Variants in ANXA8 observed in about 807,000 individuals in gnomAD.
ANXA8 encodes the protein VAC-beta.
ANXA8 carries 9 observed loss-of-function variants against 26.8 expected under a neutral mutation model. The observed-to-expected ratio is 0.34, with a 90% CI of 0.20 to 0.59. The LOEUF is 0.59. Among genes scored for constraint, ANXA8 ranks in the 20% least tolerant of loss-of-function variants. ANXA8 has a pLI of 0.84. For synonymous variants in ANXA8, 39 were observed against 94.8 expected (o/e 0.41, Z 3.42); for missense variants, 83 against 238.5 (o/e 0.35, Z 4.29).
upstream of ANXA8, among the ~76,000 whole-genome samples, chr10:47,487,843 G>A (rs1244846347): frequency 2.2e-3 from 330 of 148,354 alleles, 8 homozygotes; most frequent in African/African-American, 7.4e-3. Context: ...CCTTTATGGC[G>A]CTGATTTTTT....
the ANXA8 span, chr10:47,691,324 T>C: frequency 3.6e-6 from 3 of 844,616 alleles, no homozygotes; most frequent in Middle Eastern, 3.7e-4. Flanking sequence ...ACTCTTTCTT[T>C]AGTCATTTGC....
the ANXA8 span, among the ~76,000 whole-genome samples, chr10:47,958,021 T>C: frequency 6.6e-6 from 1 of 150,556 alleles, no homozygotes; most frequent in Non-Finnish European, 1.5e-5. Context: ...AATAAGGTTA[T>C]AGTCACAGGA....
upstream of ANXA8, among the ~76,000 whole-genome samples, chr10:47,485,249 A>G (rs1840013455): frequency 6.6e-6 from 1 of 152,066 alleles, no homozygotes; most frequent in Non-Finnish European, 1.5e-5. Context: ...AATATGCTAC[A>G]ATAGATCTGT....
chr10:47,685,203 G>A, the ANXA8 span, among the ~76,000 whole-genome samples: 1 of 150,928 alleles, frequency 6.6e-6, no homozygotes, highest in Non-Finnish European at 1.5e-5. Flanking sequence ...AAAATTAGCT[G>A]GGCATGGTGG....
chr10:47,991,745 C>A, the ANXA8 span: 5 of 1,610,156 alleles, frequency 3.1e-6, no homozygotes, highest in Admixed American at 8.3e-5. Context: ...TGAAGAGACA[C>A]AGGTTGGCCT....
chr10:47,682,474 T>TTTTC, the ANXA8 span, among the ~76,000 whole-genome samples: 1 of 144,740 alleles, frequency 6.9e-6, no homozygotes, highest in Non-Finnish European at 1.5e-5. Context: ...TTTTTCTTTT[T>TTTTC]TTTTTTTTTT....
At chr10:47,591,510 C>T in the ANXA8 span, among the ~76,000 whole-genome samples, 2 of 122,654 alleles carry the variant, frequency 1.6e-5, no homozygotes, top group East Asian at 2.2e-4. Flanking sequence ...GTGGCATGAT[C>T]TCAGCTCACT....
At chr10:47,497,089 T>G in the ANXA8 span, among the ~76,000 whole-genome samples, 155 of 148,980 alleles carry the variant, frequency 1.0e-3, 3 homozygotes, top group Middle Eastern at 3.6e-3. Context: ...GGGATGCCGA[T>G]GTGGGTGGAT....
the ANXA8 span, among the ~76,000 whole-genome samples, chr10:47,598,809 A>G: frequency 6.6e-6 from 1 of 151,572 alleles, no homozygotes; most frequent in Non-Finnish European, 1.5e-5. Flanking sequence ...TATTCAGATA[A>G]TATGTTCAAT....
At chr10:47,486,774 A>G (rs1840057090), upstream of ANXA8, among the ~76,000 whole-genome samples, 1 of 135,564 alleles carries the variant, frequency 7.4e-6, no homozygotes, top group African/African-American at 2.7e-5. Flanking sequence ...ACATGGTGAA[A>G]CCCCATCTCT....
At chr10:47,721,445 A>C in the ANXA8 span, among the ~76,000 whole-genome samples, 1 of 139,182 alleles carries the variant, frequency 7.2e-6, no homozygotes, top group African/African-American at 2.6e-5. Context: ...TACCACATTA[A>C]AGATGTAGTG....
the ANXA8 span, among the ~76,000 whole-genome samples, chr10:47,980,440 C>T: frequency 0.7 from 104,620 of 149,334 alleles, 36,596 homozygotes; most frequent in South Asian, 0.78. Context: ...ATAAATAAAA[C>T]GGAATAGAAA....
chr10:47,599,153 A>G, the ANXA8 span, among the ~76,000 whole-genome samples: 1 of 146,112 alleles, frequency 6.8e-6, no homozygotes, highest in African/African-American at 2.7e-5. Context: ...TCCACCCAGA[A>G]GGAGGATCAA....
At chr10:47,533,225 C>CACACAAACACACA in the ANXA8 span, among the ~76,000 whole-genome samples, 1 of 98,608 alleles carries the variant, frequency 1.0e-5, no homozygotes, top group African/African-American at 3.8e-5. Context: ...ACACACACAC[C>CACACAAACACACA]CCCGCAGACA....
chr10:47,957,905 C>T, the ANXA8 span, among the ~76,000 whole-genome samples: 2 of 150,366 alleles, frequency 1.3e-5, no homozygotes, highest in African/African-American at 5.0e-5. Context: ...ATTACTCCTG[C>T]AATTCAATAA....
chr10:47,687,148 T>C, the ANXA8 span, among the ~76,000 whole-genome samples: 9 of 146,846 alleles, frequency 6.1e-5, no homozygotes, highest in East Asian at 9.7e-4. Flanking sequence ...AATAAAGATT[T>C]GAAGCTAAAG....
chr10:47,985,954 G>A, the ANXA8 span: 1 of 150,428 alleles, frequency 6.6e-6, no homozygotes, highest in African/African-American at 2.4e-5. Context: ...CCATTCCATT[G>A]TATGGATTCA....
At chr10:47,715,447 G>GA in the ANXA8 span, among the ~76,000 whole-genome samples, 77 of 105,100 alleles carry the variant, frequency 7.3e-4, no homozygotes, top group East Asian at 1.7e-3. Flanking sequence ...CTCTGTCTTG[G>GA]AAAAAAAAAA....
chr10:47,645,065 T>C, the ANXA8 span, among the ~76,000 whole-genome samples: 1 of 151,762 alleles, frequency 6.6e-6, no homozygotes, highest in African/African-American at 2.4e-5. Context: ...TTAAAGAAAT[T>C]AAACTCATCC....
Sources: gnomAD v4.1 joint callset for allele counts (sites outside exome capture counted in the v4.1 genomes callset) on GRCh38, gnomAD v4.1.1 for gene constraint, MANE v1.5 for transcripts, NCBI Gene and HGNC (gene_info 2026-07-23, HGNC 2026-07-21) for gene names.